Variants in ZNF236 observed in about 807,000 individuals in gnomAD.
ZNF236 encodes the protein zinc finger protein 236, also known as regulated by glucose.
ZNF236 carries 50 observed loss-of-function variants against 191.2 expected under a neutral mutation model. The observed-to-expected ratio is 0.26, with a 90% CI of 0.21 to 0.33. The LOEUF (loss-of-function observed/expected upper bound fraction) is 0.33. Among genes scored for constraint, ZNF236 ranks in the 10% least tolerant of loss-of-function variants. The probability of loss-of-function intolerance (pLI) is 1.00; values close to 1 mark genes in which losing one functional copy is unlikely to be tolerated. For missense variants in ZNF236, 1,754 were observed against 2,374.5 expected, an observed-to-expected ratio of 0.74 and a Z score of 5.43; for synonymous variants, 907 against 928.8, an observed-to-expected ratio of 0.98 and a Z score of 0.43.
intron 1 of ZNF236, among the ~76,000 whole-genome samples, chr18:76,834,152 T>C (rs1281172657): frequency 6.6e-6 from 1 of 152,170 alleles, no homozygotes; most frequent in Non-Finnish European, 1.5e-5. Context: ...AGTATCTCAT[T>C]ATCTTTTTAT....
chr18:76,958,048 G>A (rs1246400702), intron 28 of ZNF236, among the ~76,000 whole-genome samples: 1 of 152,204 alleles, frequency 6.6e-6, no homozygotes, highest in African/African-American at 2.4e-5. Context: ...GTCCTCTGGT[G>A]CAGTGAGCTG....
chr18:76,832,464 A>G (rs1413407432), intron 1 of ZNF236, among the ~76,000 whole-genome samples: 1 of 150,766 alleles, frequency 6.6e-6, no homozygotes, highest in Non-Finnish European at 1.5e-5. Flanking sequence ...TTTTACACAT[A>G]TAGATACCCA....
chr18:76,871,688 T>TTTATTA lies in ZNF236; in HGVS notation c.543-12_543-7dup. On this transcript the variant is annotated splice_polypyrimidine_tract_variant and intron_variant, in intron 4 of 30. Transcript: ENST00000320610. ...CATCTTACTGTGTATTTTGCCCCCC[T>TTTATTA]TTATTACACTAGGGTATCAAGTACA... 6.2e-7 allele frequency: 1 copy of TTTATTA among 1,613,996 alleles called. No individual in the cohort carries two copies. Among genetic ancestry groups the TTTATTA allele is most frequent in the African/African-American group, 1.3e-5 (1 of 75,066 alleles).
At chr18:76,849,727 A>G in intron 2 of ZNF236, 59 bp downstream of exon 2, 1 of 1,401,374 alleles carries the variant, frequency 7.1e-7, no homozygotes, top group Admixed American at 2.9e-5. Flanking sequence ...GGTATTGTAA[A>G]AATGAACAAG....
At chr18:76,911,971 A>T (rs1305998668) in intron 16 of ZNF236, among the ~76,000 whole-genome samples, 3 of 152,228 alleles carry the variant, frequency 2.0e-5, no homozygotes, top group Non-Finnish European at 4.4e-5. Context: ...GGAATCTCTT[A>T]TTAAGATATA....
intron 26 of ZNF236, among the ~76,000 whole-genome samples, chr18:76,946,887 A>G (rs551916312): frequency 6.6e-6 from 1 of 152,346 alleles, no homozygotes; most frequent in South Asian, 2.1e-4. Flanking sequence ...TGTAATTTAT[A>G]TAAGTTCACC....
Position 76,910,318 on chromosome 18 carries a change from T to C in ZNF236, c.2653+149T>C, listed in dbSNP as rs541864751. On this transcript the variant is annotated intron_variant, in intron 15 of 30. Coordinates refer to ENST00000320610, the MANE Select transcript of ZNF236 (RefSeq NM_001306089.2). ...CTTTTTGCATGCATTGTAGATTTTT[T>C]TTTATTGATGCATACTATTTTGTGG... The C allele has an allele frequency of 5.8e-6, 4 of 690,666 alleles. No homozygotes were observed. In the East Asian group the frequency reaches 1.1e-4, roughly 19 times the overall value. The allele number at this position is 690,666 out of a possible 1,614,324, so 42.8% of individuals were successfully genotyped here. A position where few individuals can be genotyped will look rare whatever the true frequency, so the allele number is the denominator to read the frequency against.
At chr18:76,931,627 T>C (rs1232596589) in intron 25 of ZNF236, among the ~76,000 whole-genome samples, 1 of 152,074 alleles carries the variant, frequency 6.6e-6, no homozygotes, top group Non-Finnish European at 1.5e-5. Flanking sequence ...CAGCTGAAAA[T>C]AGAATAGAAA....
intron 13 of ZNF236, among the ~76,000 whole-genome samples, chr18:76,907,329 C>G (rs1420544793): frequency 6.6e-6 from 1 of 152,180 alleles, no homozygotes; most frequent in Admixed American, 6.5e-5. Context: ...GAAGAGGGGA[C>G]CAGGCGGCTC....
At chr18:76,899,990 C>T (rs1285391281) in intron 11 of ZNF236, among the ~76,000 whole-genome samples, 8 of 152,158 alleles carry the variant, frequency 5.3e-5, no homozygotes, top group African/African-American at 1.9e-4. Flanking sequence ...CCCAAAGGTC[C>T]TACCTCTTAC....
chr18:76,867,368 T>C (rs561024593), intron 3 of ZNF236, among the ~76,000 whole-genome samples: 6 of 152,274 alleles, frequency 3.9e-5, no homozygotes, highest in Admixed American at 1.3e-4. Flanking sequence ...TAATACTACT[T>C]TAAAGTTATT....
At chr18:76,934,238 T>G (rs1184823996) in intron 25 of ZNF236, among the ~76,000 whole-genome samples, 1 of 152,250 alleles carries the variant, frequency 6.6e-6, no homozygotes, top group East Asian at 1.9e-4. Flanking sequence ...GAATTTCACA[T>G]GCAGGACAAA....
chr18:76,866,634 T>C (rs1976416020), intron 3 of ZNF236, among the ~76,000 whole-genome samples: 2 of 152,168 alleles, frequency 1.3e-5, no homozygotes, highest in East Asian at 3.9e-4. Flanking sequence ...CTCTTGATGA[T>C]TTCCCATGGC....
At chr18:76,867,534 G>GA (rs1393945426) in intron 3 of ZNF236, among the ~76,000 whole-genome samples, 1 of 152,072 alleles carries the variant, frequency 6.6e-6, no homozygotes, top group Non-Finnish European at 1.5e-5. Flanking sequence ...AGTCTGATAG[G>GA]AAAAAATCAA....
intron 25 of ZNF236, among the ~76,000 whole-genome samples, chr18:76,932,493 CTG>C (rs1290014339): frequency 6.6e-6 from 1 of 152,196 alleles, no homozygotes; most frequent in Non-Finnish European, 1.5e-5. Context: ...TAATCTTAGG[CTG>C]TGAGTTCATC....
intron 1 of ZNF236, chr18:76,834,607 C>A: frequency 4.4e-6 from 2 of 453,528 alleles, no homozygotes; most frequent in Admixed American, 2.5e-5. Flanking sequence ...TGCCTGTATG[C>A]ACAGTTGTGC....
chr18:76,841,834 C>A (rs748576703), intron 1 of ZNF236, among the ~76,000 whole-genome samples: 2 of 152,032 alleles, frequency 1.3e-5, no homozygotes, highest in Non-Finnish European at 2.9e-5. Flanking sequence ...GCTAGTATTA[C>A]AGGCACGGGC....
rs1298366806 is a variant in ZNF236, at chr18:76,871,702, G to C, written c.544G>C (p.Val182Leu). Reference protein sequence around the residue: ...EHMKTHYKIRVSSTRSYNRNI... With the variant: ...EHMKTHYKIRLSSTRSYNRNI... ...TTTTGCCCCCCTTTATTACACTAGGGTATCAAGTACAAGGTCTTATAACCG... is the reference window on the plus strand; with the variant it reads ...TTTTGCCCCCCTTTATTACACTAGGCTATCAAGTACAAGGTCTTATAACCG... The change falls in exon 5 of 31, where the codon GTA (valine) becomes CTA (leucine). Residue 182 changes from valine to leucine, a missense_variant and splice_region_variant. Physicochemically the swap from Val to Leu is conservative, Grantham distance 32. Transcript: ENST00000320610. 1 of 1,613,956 alleles carries C rather than the reference G, an allele frequency of 6.2e-7. No homozygotes were observed. The highest frequency in any genetic ancestry group is 8.5e-7 in the Non-Finnish European group (1 of 1,179,992).
At position 76,969,930 on chromosome 18, in the gene ZNF236, A is replaced by G. The variant is rs967301228; in HGVS notation, c.*1591A>G. The stretch of plus-strand genomic sequence containing the variant: ...ACTTCTTTTCCAAACTGCTTTGTGT[A>G]TTGTATATTTTTTTAAGAAAAAGAA... On this transcript the variant is annotated 3_prime_UTR_variant, in exon 31 of 31. Coordinates refer to ENST00000320610, the MANE Select transcript of ZNF236 (RefSeq NM_001306089.2). 6.6e-6 allele frequency: 1 copy of G among 152,562 alleles called. No homozygotes were observed. The highest frequency in any genetic ancestry group is 6.5e-5 in the Admixed American group (1 of 15,280). 9.5% of individuals were successfully genotyped at this position (152,562 alleles called of 1,614,324 possible).
Sources: allele counts gnomAD v4.1 joint callset (sites outside exome capture counted in the v4.1 genomes callset), GRCh38; gene constraint gnomAD v4.1.1; transcripts MANE v1.5; gene names NCBI Gene and HGNC (gene_info 2026-07-23, HGNC 2026-07-21).